Variants in ETNPPL observed in about 807,000 individuals in gnomAD.
ETNPPL encodes alanine--glyoxylate aminotransferase 2-like 1.
Under a neutral mutation model 55.5 loss-of-function variants are expected in ETNPPL, and 30 were observed. That is an observed-to-expected ratio of 0.54 (90% CI 0.40 to 0.73). The LOEUF (loss-of-function observed/expected upper bound fraction) is 0.73. ETNPPL is among the 30% of genes least tolerant of loss of function. The pLI is 0.00. For synonymous variants in ETNPPL, 202 were observed against 207.2 expected, an observed-to-expected ratio of 0.98 and a Z score of 0.21; for missense variants, 528 against 607.9, an observed-to-expected ratio of 0.87 and a Z score of 1.38.
intron 7 of ETNPPL, 31 bp from the exon 8 acceptor site, chr4:108,749,494 C>T: frequency 6.5e-7 from 1 of 1,538,230 alleles, no homozygotes; most frequent in Non-Finnish European, 9.0e-7. Flanking sequence ...CTAATGCCTT[C>T]AGGTCACTGA....
rs527295203 is a variant in ETNPPL, at chr4:108,759,994, G to A, written c.176-86C>T. On this transcript the variant is annotated intron_variant, in intron 2 of 12. Coordinates refer to ENST00000296486, the MANE Select transcript of ETNPPL (RefSeq NM_031279.4). Reference sequence around the variant, plus strand: ...GAGGAATTATGAAGCAAGCAAGCAAGCAAACAAACAAACAAACAAAAGTTG... The same window carrying A: ...GAGGAATTATGAAGCAAGCAAGCAAACAAACAAACAAACAAACAAAAGTTG... 76 of 1,363,978 alleles carry A rather than the reference G, an allele frequency of 5.6e-5. No homozygotes were observed. The South Asian group carries it at 7.2e-4, about 13-fold the overall frequency. The allele number at this position is 1,363,978 out of a possible 1,614,324, so 84.5% of individuals were successfully genotyped here. A position where few individuals can be genotyped will look rare whatever the true frequency, so the allele number is the denominator to read the frequency against.
chr4:108,747,216 T>C (rs1168208270), intron 9 of ETNPPL, among the ~76,000 whole-genome samples: 1 of 20,638 alleles, frequency 4.8e-5, no homozygotes, highest in African/African-American at 5.2e-4. Context: ...ATAATATATA[T>C]ATATATATTA....
intron 8 of ETNPPL, among the ~76,000 whole-genome samples, chr4:108,748,968 C>T (rs1054766685): frequency 6.6e-6 from 1 of 151,968 alleles, no homozygotes; most frequent in Non-Finnish European, 1.5e-5. Context: ...ATCTAGATGA[C>T]GGGTTGATAG....
chr4:108,746,262 G>T, intron 11 of ETNPPL, 137 bp downstream of exon 11: 2 of 690,436 alleles, frequency 2.9e-6, no homozygotes, highest in South Asian at 4.1e-5. Context: ...TAAATGGAAA[G>T]TTACACATTT....
In ETNPPL at chr4:108,747,854, G is replaced by A. The variant is rs1728682062; in HGVS notation, c.1082+151C>T. On this transcript the variant is annotated intron_variant, in intron 9 of 12. Transcript: ENST00000296486. ...AGTGATTCTCATGCCTCAGCCTCCC[G>A]AGTAGCTGGGACTATTTGTGTGTGC... 9 of 581,188 alleles carry A rather than the reference G, an allele frequency of 1.5e-5. 1 individual carries two copies. Among genetic ancestry groups the A allele is most frequent in the Middle Eastern group, 4.6e-4 (1 of 2,188 alleles). The allele number at this position is 581,188 out of a possible 1,614,324, so 36.0% of individuals were successfully genotyped here.
chr4:108,756,828 G>GAAC (rs1297565213), intron 3 of ETNPPL, among the ~76,000 whole-genome samples: 1 of 151,832 alleles, frequency 6.6e-6, no homozygotes, highest in Non-Finnish European at 1.5e-5. Context: ...TCCATCTCCA[G>GAAC]AACAACAACA....
At chr4:108,742,716 CA>C in intron 12 of ETNPPL, 104 bp from the exon 13 acceptor site, 2 of 1,296,678 alleles carry the variant, frequency 1.5e-6, no homozygotes, top group Non-Finnish European at 2.2e-6. Flanking sequence ...ACAGAAAAAC[CA>C]AACAAAACAA....
chr4:108,762,933 G>C lies in ETNPPL; in HGVS notation c.-35C>G. 6.2e-7 allele frequency: 1 copy of C among 1,606,222 alleles called. No homozygotes were observed. The highest frequency in any genetic ancestry group is 1.3e-5 in the African/African-American group (1 of 74,902). ...GTGCAGGGCGCTGCGAAGGTGCAAG[G>C]TGCAAGGTCTGCGCGCCTCCTACGC... On this transcript the variant is annotated 5_prime_UTR_variant, in exon 1 of 13. Transcript: ENST00000296486.
chr4:108,756,180 C>T (rs1311697440), intron 4 of ETNPPL, among the ~76,000 whole-genome samples: 1 of 152,206 alleles, frequency 6.6e-6, no homozygotes, highest in African/African-American at 2.4e-5. Context: ...CATGAAGCTA[C>T]ATCCCCCACA....
At chr4:108,762,619 G>A (rs1729563126) in intron 1 of ETNPPL, 1 of 648,982 alleles carries the variant, frequency 1.5e-6, no homozygotes, top group Non-Finnish European at 2.8e-6. Flanking sequence ...GCGAGCCGGG[G>A]ACTTTCGAGC....
chr4:108,760,106 C>A, intron 2 of ETNPPL, 82 bp downstream of exon 2: 2 of 1,162,616 alleles, frequency 1.7e-6, no homozygotes, highest in Non-Finnish European at 2.5e-6. Context: ...CACTGCAATT[C>A]CCCAAACAAA....
chr4:108,762,883 T>C lies in ETNPPL; in HGVS notation c.16A>G (p.Ser6Gly), dbSNP rs755033506. 3 of 1,614,102 alleles carry C rather than the reference T, an allele frequency of 1.9e-6. No individual in the cohort carries two copies. Among genetic ancestry groups the C allele is most frequent in the African/African-American group, 1.3e-5 (1 of 75,062 alleles). Residue 6 changes from serine (S) to glycine (G), a missense_variant, in exon 1 of 13, where the codon AGT becomes GGT. Ser to Gly is a moderately conservative substitution (Grantham distance 56, BLOSUM62 0). Transcript: ENST00000296486. MCELY[S>G]KRDTLGLRKK... ...CTCAGCCCCAGAGTGTCCCGCTTAC[T>C]GTACAGCTCGCACATGGTGGCGGGG... is the stretch of plus-strand genomic sequence containing the variant.
intron 3 of ETNPPL, among the ~76,000 whole-genome samples, chr4:108,757,421 T>C (rs1400396024): frequency 6.6e-6 from 1 of 152,130 alleles, no homozygotes; most frequent in East Asian, 1.9e-4. Flanking sequence ...TAAGGTCTCA[T>C]AGCTAATATG....
chr4:108,748,206 G>C, intron 8 of ETNPPL, 47 bp from the exon 9 acceptor site: 1 of 1,415,692 alleles, frequency 7.1e-7, no homozygotes, highest in Non-Finnish European at 9.6e-7. Flanking sequence ...AGTTGAATGA[G>C]TGGTATTCCC....
At chr4:108,759,363 T>C (rs1729392493) in intron 3 of ETNPPL, among the ~76,000 whole-genome samples, 1 of 125,334 alleles carries the variant, frequency 8.0e-6, no homozygotes, top group Admixed American at 1.1e-4. Context: ...ATCACACCAC[T>C]GCACTCCAGC....
intron 7 of ETNPPL, 96 bp downstream of exon 7, chr4:108,750,840 T>C: frequency 1.1e-6 from 1 of 914,682 alleles, no homozygotes; most frequent in Non-Finnish European, 1.8e-6. Context: ...TACCAGCTAA[T>C]CAGGAATTAT....
At chr4:108,758,536 G>A (rs545752702) in intron 3 of ETNPPL, among the ~76,000 whole-genome samples, 2 of 152,204 alleles carry the variant, frequency 1.3e-5, no homozygotes, top group South Asian at 4.2e-4. Context: ...GATTGCTTGA[G>A]TTCAGGAGTT....
chr4:108,761,697 A>G (rs1027577012), intron 1 of ETNPPL, among the ~76,000 whole-genome samples: 2 of 152,246 alleles, frequency 1.3e-5, no homozygotes, highest in Non-Finnish European at 2.9e-5. Flanking sequence ...ATTGAAAACT[A>G]ACGCAGTGAG....
chr4:108,752,926 A>G lies in ETNPPL; in HGVS notation c.587T>C (p.Ile196Thr). 2 of 1,609,882 alleles carry G rather than the reference A, an allele frequency of 1.2e-6. No individual in the cohort carries two copies. The highest frequency in any genetic ancestry group is 3.3e-5 in the Admixed American group (2 of 59,928). The change falls in exon 6 of 13, where the codon ATC becomes ACC. Residue 196 changes from isoleucine to threonine, a missense_variant. By Grantham distance (89) the Ile-to-Thr change is moderately conservative (BLOSUM62 -1). Transcript: ENST00000296486. ...ASAYADEVKK[I>T]IEDAHNSGRK... ...TCCACTGTTATGAGCATCTTCAATG[A>G]TTTTCTTCACTTCATCTGCATAAGC...
Sources: gnomAD v4.1 joint callset for allele counts (sites outside exome capture counted in the v4.1 genomes callset) on GRCh38, gnomAD v4.1.1 for gene constraint, MANE v1.5 for transcripts, NCBI Gene and HGNC (gene_info 2026-07-23, HGNC 2026-07-21) for gene names.